Variants in DNA2 observed in about 807,000 individuals in gnomAD.
DNA2 encodes the protein DNA replication ATP-dependent helicase/nuclease DNA2.
In DNA2, 101 loss-of-function variants were observed where a neutral mutation model predicts 119.1. The observed-to-expected ratio is 0.85, with a 90% confidence interval of 0.72 to 1.00. The LOEUF (loss-of-function observed/expected upper bound fraction) is 1.00, where lower values mean the gene tolerates loss of function less well. DNA2 is among the 50% of genes least tolerant of loss of function. The pLI, the probability that DNA2 is intolerant of heterozygous loss-of-function variation, is 0.00. For synonymous variants in DNA2, 366 were observed against 424.4 expected, an observed-to-expected ratio of 0.86 and a Z score of 1.69; for missense variants, 1,121 against 1,255.5, an observed-to-expected ratio of 0.89 and a Z score of 1.62.
At chr10:68,429,544 C>A (rs1355125431) in intron 14 of DNA2, among the ~76,000 whole-genome samples, 108 of 102,308 alleles carry the variant, frequency 1.1e-3, no homozygotes, top group South Asian at 2.1e-3. Flanking sequence ...AACTCCGTCT[C>A]AAAAAAAAAA....
intron 4 of DNA2, among the ~76,000 whole-genome samples, chr10:68,463,882 T>A (rs566576203): frequency 6.6e-6 from 1 of 152,134 alleles, no homozygotes; most frequent in Non-Finnish European, 1.5e-5. Context: ...GTGTCAGCCC[T>A]CTGAGAGAGC....
At chr10:68,459,720 A>T (rs1205995569) in intron 4 of DNA2, among the ~76,000 whole-genome samples, 1 of 152,132 alleles carries the variant, frequency 6.6e-6, no homozygotes, top group Non-Finnish European at 1.5e-5. Context: ...TTGCCTCTGA[A>T]CTGTACCCTT....
chr10:68,448,980 T>TGTGTGA, intron 6 of DNA2, among the ~76,000 whole-genome samples: 1 of 142,202 alleles, frequency 7.0e-6, no homozygotes, highest in African/African-American at 3.0e-5. Flanking sequence ...TGTGTGTGTG[T>TGTGTGA]GTGTGTAGTA....
intron 18 of DNA2, chr10:68,419,469 GCACACACA>G: frequency 2.1e-6 from 1 of 486,582 alleles, no homozygotes; most frequent in Non-Finnish European, 3.6e-6. Flanking sequence ...CTAAAACAGT[GCACACACA>G]CACACACACA....
Position 68,432,216 on chromosome 10 carries a change from G to A in DNA2, c.1863C>T (p.Cys621=). The A allele has an allele frequency of 1.3e-6, 2 of 1,577,444 alleles. No homozygotes were observed. Among genetic ancestry groups the A allele is most frequent in the Non-Finnish European group, 8.6e-7 (1 of 1,160,360 alleles). The change falls in exon 12 of 21, where the codon TGC becomes TGT. Residue 621 remains cysteine (C), a synonymous_variant. Coordinates refer to ENST00000358410, the MANE Select transcript of DNA2 (RefSeq NM_001080449.3). Reference sequence around the variant, plus strand: ...GTGATTTTAGCATACCCTTTAGAATGCAGGCAACTGTATCCTTTGCATCAT... The same window carrying A: ...GTGATTTTAGCATACCCTTTAGAATACAGGCAACTGTATCCTTTGCATCAT... ...LPHDAKDTVA[C]ILKGLNKPQR...
intron 19 of DNA2, 75 bp from the exon 20 acceptor site, chr10:68,416,930 T>G (rs1564874455): frequency 2.4e-6 from 3 of 1,270,692 alleles, no homozygotes; most frequent in Non-Finnish European, 3.3e-6. Flanking sequence ...CCCTACACAA[T>G]GGACACCTGT....
Position 68,459,073 on chromosome 10 carries a change from A to G in DNA2, c.719+31T>C, listed in dbSNP as rs758903113. ...GGCATCCTGGTCTAAAAATATGAAG[A>G]CTATATATATAAACAAAATGTGTTT... On this transcript the variant is annotated intron_variant, in intron 5 of 20. Transcript: ENST00000358410. 7.2e-6 allele frequency: 11 copies of G among 1,522,632 alleles called. No individual in the cohort carries two copies. The East Asian group carries it at 1.7e-4, about 23-fold the overall frequency. 94.3% of individuals were successfully genotyped at this position (1,522,632 alleles called of 1,614,324 possible).
intron 14 of DNA2, among the ~76,000 whole-genome samples, chr10:68,425,259 T>C (rs2051723760): frequency 6.6e-6 from 1 of 151,486 alleles, no homozygotes; most frequent in Non-Finnish European, 1.5e-5. Flanking sequence ...CATGCCCAGC[T>C]AATTTTTTGT....
intron 4 of DNA2, among the ~76,000 whole-genome samples, chr10:68,463,753 A>G (rs2052291760): frequency 6.6e-6 from 1 of 152,118 alleles, no homozygotes; most frequent in Non-Finnish European, 1.5e-5. Context: ...AGACATTGAG[A>G]CTTCAGGATA....
At chr10:68,452,234 C>T (rs2052128447) in intron 5 of DNA2, among the ~76,000 whole-genome samples, 1 of 151,648 alleles carries the variant, frequency 6.6e-6, no homozygotes, top group Non-Finnish European at 1.5e-5. Flanking sequence ...AGGTGTGCAC[C>T]ACCACACCCC....
At chr10:68,421,479 G>A (rs1479149952) in intron 17 of DNA2, among the ~76,000 whole-genome samples, 3 of 151,982 alleles carry the variant, frequency 2.0e-5, no homozygotes, top group African/African-American at 7.2e-5. Context: ...TTTGGGCCGG[G>A]CACAGTGGCT....
Position 68,459,191 on chromosome 10 carries a change from T to C in DNA2, c.632A>G (p.Glu211Gly). The change falls in exon 5 of 21, where the codon GAG (glutamate) becomes GGG (glycine). Residue 211 changes from glutamate to glycine, a missense_variant. Transcript: ENST00000358410. Reference sequence around the variant, plus strand: ...TTTACAAAACGAAGGAAGATAGTCCTCTACTTCTTGTTTTATTTCATCTTG... The same window carrying C: ...TTTACAAAACGAAGGAAGATAGTCCCCTACTTCTTGTTTTATTTCATCTTG... ...LSQDEIKQEVEDYLPSFCKWA... is the reference protein window; with the variant it reads ...LSQDEIKQEVGDYLPSFCKWA... 1 of 1,571,662 alleles carries C rather than the reference T, an allele frequency of 6.4e-7. No homozygotes were observed. Among genetic ancestry groups the C allele is most frequent in the Non-Finnish European group, 8.6e-7 (1 of 1,157,358 alleles).
In DNA2 at chr10:68,419,034, A is replaced by T. The variant is rs201688598; in HGVS notation, c.2967T>A (p.Thr989=). The change falls in exon 19 of 21, where the codon ACT becomes ACA. Residue 989 remains threonine, a splice_region_variant and synonymous_variant. Transcript: ENST00000358410. ...VSFVRSNKDG[T]VGELLKDWRR... The stretch of plus-strand genomic sequence containing the variant: ...TCAGTAGCAAACACAATTAACTCAC[A>T]GTTCCATCCTTATTACTTCTAACAA... 1.9e-6 allele frequency: 3 copies of T among 1,582,744 alleles called. No homozygotes were observed. Among genetic ancestry groups the T allele is most frequent in the Non-Finnish European group, 2.6e-6 (3 of 1,168,830 alleles).
chr10:68,458,970 A>G (rs2052220940), intron 5 of DNA2, 134 bp downstream of exon 5: 3 of 759,396 alleles, frequency 4.0e-6, no homozygotes, highest in Non-Finnish European at 5.8e-6. Flanking sequence ...ACTTAGGACC[A>G]TAATTTATAA....
rs1554904927 is a variant in DNA2 at position 68,431,925 on chromosome 10, T to C, written c.1920A>G (p.Ser640=). Residue 640 remains serine (S), a synonymous_variant, in exon 13 of 21, where the codon TCA becomes TCG. Coordinates refer to ENST00000358410, the MANE Select transcript of DNA2 (RefSeq NM_001080449.3). The part of the protein sequence containing the change: ...QRQAMKKVLL[S]KDYTLIVGMP... ...TACCCACGATGAGTGTGTAGTCTTT[T>C]GAAAGAAGTACCTTTTTCATCGCTT... 6.2e-7 allele frequency: 1 copy of C among 1,613,782 alleles called. No individual in the cohort carries two copies. The highest frequency in any genetic ancestry group is 8.5e-7 in the Non-Finnish European group (1 of 1,179,872).
At position 68,419,845 on chromosome 10, in the gene DNA2, T is replaced by G; in HGVS notation, c.2745A>C (p.Thr915=). ...TTAGGAAAACTATGAGTTTGGCTTC[T>G]GTTACATTGCTCACACCACCTTTTT... ...QVEKGGVSNV[T]EAKLIVFLTS... is the part of the protein sequence containing the mutation. The change falls in exon 18 of 21, where the codon ACA becomes ACC. Residue 915 remains threonine, a synonymous_variant. Transcript: ENST00000358410. The G allele has an allele frequency of 6.2e-7, 1 of 1,613,952 alleles. No homozygotes were observed. The highest frequency in any genetic ancestry group is 8.5e-7 in the Non-Finnish European group (1 of 1,179,876).
chr10:68,457,737 G>GA (rs74318507), intron 5 of DNA2, among the ~76,000 whole-genome samples: 12,452 of 96,472 alleles, frequency 0.13, 779 homozygotes, highest in South Asian at 0.3. Context: ...GCCACTTTGA[G>GA]AAAAAAAAAA....
At chr10:68,470,482 C>T (rs1012306982) in intron 1 of DNA2, 15 of 370,744 alleles carry the variant, frequency 4.0e-5, no homozygotes, top group Non-Finnish European at 7.3e-5. Context: ...GGCATGATGG[C>T]GCACACCTGT....
At chr10:68,436,454 G>A (rs2051889532) in intron 10 of DNA2, among the ~76,000 whole-genome samples, 3 of 152,156 alleles carry the variant, frequency 2.0e-5, no homozygotes, top group African/African-American at 4.8e-5. Context: ...TAATAGGAAT[G>A]AGGTTTCCTT....
Sources: allele counts gnomAD v4.1 joint callset (sites outside exome capture counted in the v4.1 genomes callset), GRCh38; gene constraint gnomAD v4.1.1; transcripts MANE v1.5; gene names NCBI Gene and HGNC (gene_info 2026-07-23, HGNC 2026-07-21).